RNF6: variants seen among roughly 807,000 people sequenced by gnomAD.
RNF6 encodes E3 ubiquitin-protein ligase RNF6.
Under a neutral mutation model 50.1 loss-of-function variants are expected in RNF6, and 21 were observed. The ratio of observed to expected loss-of-function variants is 0.42; its 90% CI spans 0.30 to 0.60. The LOEUF is 0.60. Ranked by LOEUF, RNF6 falls within the 20% of genes least tolerant of loss-of-function variation. The pLI, the probability that RNF6 is intolerant of heterozygous loss-of-function variation, is 0.20. For synonymous variants in RNF6, 255 were observed against 291.8 expected (o/e 0.87, Z 1.29); for missense variants, 698 against 838.2 (o/e 0.83, Z 2.07).
At chr13:26,206,406 G>A (rs1452435676) in intron 5 of RNF6, among the ~76,000 whole-genome samples, 1 of 152,176 alleles carries the variant, frequency 6.6e-6, no homozygotes, top group Non-Finnish European at 1.5e-5. Flanking sequence ...TTTGAGAAAG[G>A]CAGGCTTCAC....
chr13:26,156,604 T>C (rs950486356), intron 5 of RNF6, among the ~76,000 whole-genome samples: 4 of 152,118 alleles, frequency 2.6e-5, no homozygotes, highest in Non-Finnish European at 2.9e-5. Context: ...CTTACAACAA[T>C]CAACCAAATT....
intron 5 of RNF6, among the ~76,000 whole-genome samples, chr13:26,184,199 T>G (rs969069298): frequency 1.3e-5 from 2 of 151,214 alleles, no homozygotes; most frequent in Admixed American, 6.6e-5. Context: ...GCCAGGCTAA[T>G]GTTTTGTATT....
Position 26,215,643 on chromosome 13 carries a change from C to T in RNF6, c.290-51G>A, listed in dbSNP as rs1385409135. 6 of 1,438,710 alleles carry T rather than the reference C, an allele frequency of 4.2e-6. No individual in the cohort carries two copies. The East Asian group carries it at 9.2e-5, about 22-fold the overall frequency. 89.1% of individuals were successfully genotyped at this position (1,438,710 alleles called of 1,614,324 possible). On this transcript the variant is annotated intron_variant, in intron 4 of 4. Coordinates refer to ENST00000381588, the MANE Select transcript of RNF6 (RefSeq NM_005977.4). ...AGATCAATTCCTAAGACACACCTTA[C>T]AGCTTTATTGAAAACTTGTAAGAAA...
intron 5 of RNF6, among the ~76,000 whole-genome samples, chr13:26,168,292 G>C (rs554675384): frequency 1.3e-5 from 2 of 152,276 alleles, no homozygotes; most frequent in African/African-American, 4.8e-5. Context: ...CTTGGTAATG[G>C]CTATGAACAG....
chr13:26,172,636 C>G (rs536569005), intron 5 of RNF6, among the ~76,000 whole-genome samples: 13 of 151,866 alleles, frequency 8.6e-5, no homozygotes, highest in Non-Finnish European at 1.8e-4. Context: ...CTCTGCCTGC[C>G]GGGTTCACGC....
At chr13:26,172,580 G>A (rs1159390301) in intron 5 of RNF6, among the ~76,000 whole-genome samples, 1 of 147,112 alleles carries the variant, frequency 6.8e-6, no homozygotes, top group Non-Finnish European at 1.5e-5. Context: ...ATCTTGCTCT[G>A]TCGCCCAGGC....
At chr13:26,197,039 T>C (rs1456375104) in intron 5 of RNF6, among the ~76,000 whole-genome samples, 3 of 151,904 alleles carry the variant, frequency 2.0e-5, no homozygotes, top group Non-Finnish European at 4.4e-5. Context: ...AAATGGGACA[T>C]GGGAAGAGTG....
intron 5 of RNF6, among the ~76,000 whole-genome samples, chr13:26,201,532 A>G (rs1868898526): frequency 6.6e-6 from 1 of 152,200 alleles, no homozygotes. Flanking sequence ...AGGTGAGAAT[A>G]TTCCATTTGC....
chr13:26,221,998 CCCACCTCT>C lies in RNF6; in HGVS notation c.-105_-102+4del, dbSNP rs1292046700. ...GTGGGACCCAGATCTTTCCCTCGAG[CCCACCTCT>C]CCAGGTCTTGGGCCTTCGCCCTCCT... On this transcript the variant is annotated splice_donor_variant and splice_donor_region_variant and 5_prime_UTR_variant and intron_variant, in exon 1 of 5. Coordinates refer to ENST00000381588, the MANE Select transcript of RNF6 (RefSeq NM_005977.4). LOFTEE classifies it low-confidence loss of function (5UTR_SPLICE). 6.6e-6 allele frequency: 1 copy of C among 152,310 alleles called. No homozygotes were observed. The highest frequency in any genetic ancestry group is 1.5e-5 in the Non-Finnish European group (1 of 68,098). 9.4% of individuals were successfully genotyped at this position (152,310 alleles called of 1,614,324 possible).
chr13:26,141,863 C>T (rs891552598), intron 5 of RNF6, among the ~76,000 whole-genome samples: 12 of 152,084 alleles, frequency 7.9e-5, no homozygotes, highest in African/African-American at 2.2e-4. Flanking sequence ...TGGTCAAAAA[C>T]GAAAATTGAC....
At chr13:26,179,848 G>A (rs1376521201) in intron 5 of RNF6, among the ~76,000 whole-genome samples, 5 of 152,160 alleles carry the variant, frequency 3.3e-5, no homozygotes, top group African/African-American at 1.2e-4. Flanking sequence ...ACTTCACTAG[G>A]CCCAGGAGGA....
At chr13:26,183,726 C>T (rs191062535) in intron 5 of RNF6, among the ~76,000 whole-genome samples, 57 of 151,924 alleles carry the variant, frequency 3.8e-4, no homozygotes, top group Middle Eastern at 3.4e-3. Flanking sequence ...ATATACAATT[C>T]GCAGCTTAGC....
rs750405755 is a variant in RNF6, at chr13:26,213,915, A to T, written c.1967T>A (p.Ile656Asn). Residue 656 changes from isoleucine (I) to asparagine (N), a missense_variant, in exon 5 of 5, where the codon ATT (isoleucine) becomes AAT (asparagine). By Grantham distance (149) the Ile-to-Asn change is moderately radical. Transcript: ENST00000381588. ...RQLPCMHEFH[I>N]HCIDRWLSEN... ...TGAGAGCCATCGGTCAATACAATGA[A>T]TGTGAAATTCATGCATGCAAGGTAA... 1 of 1,614,162 alleles carries T rather than the reference A, an allele frequency of 6.2e-7. No individual in the cohort carries two copies. The highest frequency in any genetic ancestry group is 8.5e-7 in the Non-Finnish European group (1 of 1,180,034).
chr13:26,179,948 A>G (rs1052725693), intron 5 of RNF6, among the ~76,000 whole-genome samples: 5 of 152,178 alleles, frequency 3.3e-5, no homozygotes, highest in African/African-American at 1.2e-4. Context: ...CTAAAGAATC[A>G]AAGAAGGATC....
chr13:26,217,716 G>A (rs1467273513), intron 4 of RNF6, among the ~76,000 whole-genome samples: 1 of 152,214 alleles, frequency 6.6e-6, no homozygotes, highest in African/African-American at 2.4e-5. Flanking sequence ...AATGTGGCTA[G>A]TATGAATGAG....
intron 5 of RNF6, among the ~76,000 whole-genome samples, chr13:26,203,611 A>T (rs1263088006): frequency 6.6e-6 from 1 of 152,202 alleles, no homozygotes; most frequent in Non-Finnish European, 1.5e-5. Flanking sequence ...GCAATATTAG[A>T]ACTGGGCCAT....
intron 5 of RNF6, among the ~76,000 whole-genome samples, chr13:26,192,731 A>G (rs1365026125): frequency 6.6e-6 from 1 of 152,218 alleles, no homozygotes; most frequent in Non-Finnish European, 1.5e-5. Context: ...TCAATCCAAC[A>G]GCCCTCAAGG....
chr13:26,176,417 A>C (rs1299531238), intron 5 of RNF6, among the ~76,000 whole-genome samples: 1 of 152,018 alleles, frequency 6.6e-6, no homozygotes, highest in Non-Finnish European at 1.5e-5. Flanking sequence ...GACCTTCCAA[A>C]GTCATTGGAT....
intron 3 of RNF6, 91 bp downstream of exon 3, chr13:26,219,366 G>C (rs1870234278): frequency 1.0e-5 from 11 of 1,084,248 alleles, no homozygotes; most frequent in Admixed American, 5.1e-5. Flanking sequence ...ATAAAGAGAA[G>C]CAAGGAAAAA....
Sources: allele counts gnomAD v4.1 joint callset (sites outside exome capture counted in the v4.1 genomes callset), GRCh38; gene constraint gnomAD v4.1.1; transcripts MANE v1.5; gene names NCBI Gene and HGNC (gene_info 2026-07-23, HGNC 2026-07-21).